The following CCDC85C variants were observed in gnomAD, a reference collection of about 807,000 sequenced individuals.
CCDC85C encodes coiled-coil domain containing 85C.
Under a neutral mutation model 38.3 loss-of-function variants are expected in CCDC85C, and 18 were observed. That is an observed-to-expected ratio of 0.47 (90% confidence interval 0.33 to 0.70). The LOEUF (loss-of-function observed/expected upper bound fraction) is 0.70. Among genes scored for constraint, CCDC85C ranks in the 30% least tolerant of loss-of-function variants. The pLI, the probability that CCDC85C is intolerant of heterozygous loss-of-function variation, is 0.03. For missense variants in CCDC85C, 566 were observed against 621.2 expected (o/e 0.91, Z 0.94); for synonymous variants, 264 against 293.8 (o/e 0.90, Z 1.04).
At chr14:99,580,617 C>A (rs577993315) in intron 1 of CCDC85C, among the ~76,000 whole-genome samples, 1 of 152,202 alleles carries the variant, frequency 6.6e-6, no homozygotes, top group South Asian at 2.1e-4. Context: ...GTAATCCCAG[C>A]ACTTTGGGAG....
At chr14:99,551,209 G>C (rs913714780) in intron 1 of CCDC85C, among the ~76,000 whole-genome samples, 4 of 152,210 alleles carry the variant, frequency 2.6e-5, no homozygotes, top group African/African-American at 9.7e-5. Context: ...GGGTCACAGC[G>C]TACACGGAGC....
At chr14:99,597,610 G>T (rs73346463) in intron 1 of CCDC85C, among the ~76,000 whole-genome samples, 17,073 of 152,170 alleles carry the variant, frequency 0.11, 1,887 homozygotes, top group East Asian at 0.36. Context: ...GGGACTTTGG[G>T]GTCTGCCCTG....
intron 1 of CCDC85C, among the ~76,000 whole-genome samples, chr14:99,542,105 G>A (rs544254219): frequency 6.6e-6 from 1 of 152,360 alleles, no homozygotes; most frequent in African/African-American, 2.4e-5. Flanking sequence ...CATGGGCCCT[G>A]TGCAAGACAG....
intron 2 of CCDC85C, among the ~76,000 whole-genome samples, chr14:99,531,604 G>A (rs947330329): frequency 8.7e-5 from 13 of 150,188 alleles, no homozygotes; most frequent in South Asian, 2.1e-4. Flanking sequence ...GTGGGACCGC[G>A]GGGAGTAGGA....
At chr14:99,577,820 T>TCTC (rs1219233058) in intron 1 of CCDC85C, among the ~76,000 whole-genome samples, 1 of 126,996 alleles carries the variant, frequency 7.9e-6, no homozygotes, top group African/African-American at 3.2e-5. Flanking sequence ...TGTGTACACA[T>TCTC]CACACCCATA....
chr14:99,522,292 C>A, intron 2 of CCDC85C, 52 bp from the exon 3 acceptor site: 3 of 1,383,074 alleles, frequency 2.2e-6, no homozygotes, highest in Non-Finnish European at 3.0e-6. Flanking sequence ...CTGAGGAGGA[C>A]AAGGGCCCTG....
chr14:99,600,399 CG>C (rs1386682571), intron 1 of CCDC85C, among the ~76,000 whole-genome samples: 1 of 152,148 alleles, frequency 6.6e-6, no homozygotes, highest in African/African-American at 2.4e-5. Context: ...CTCTGGGTAA[CG>C]GGGTTATCAG....
In CCDC85C at chr14:99,555,430, G is replaced by A. The variant is rs141861729; in HGVS notation, c.794-19342C>T. On this transcript the variant is annotated intron_variant, in intron 1 of 5. Coordinates refer to ENST00000380243, the MANE Select transcript of CCDC85C (RefSeq NM_001144995.2). ...ACACGTGCCCTGGCCCTGCCCCACA[G>A]CTGTCCTATGAGCACACACACCTGG... Among the ~76,000 whole-genome samples, 14 of 152,354 alleles carry A rather than the reference G, an allele frequency of 9.2e-5. No homozygotes were observed. In the East Asian group the frequency reaches 2.7e-3, roughly 29 times the overall value.
rs534987008 is a variant in CCDC85C at position 99,548,448 on chromosome 14, C to A, written c.794-12360G>T. On this transcript the variant is annotated intron_variant, in intron 1 of 5. Transcript: ENST00000380243. This position sits in a 1 kb window ranked among gnomAD's most constrained non-coding sequence, Gnocchi z 4.9. Reference sequence around the variant, plus strand: ...CAGGGGATGCTGATGATCGGCGCAGCGGATCAGAGAGCAGCCTGGCGCGGT... The same window carrying A: ...CAGGGGATGCTGATGATCGGCGCAGAGGATCAGAGAGCAGCCTGGCGCGGT... Among the ~76,000 whole-genome samples, 468 of 152,152 alleles carry A rather than the reference C, an allele frequency of 3.1e-3. 9 individuals are homozygous for A. In the South Asian group the frequency reaches 0.044, roughly 14 times the overall value.
At position 99,571,177 on chromosome 14, in the gene CCDC85C, G is replaced by A. The variant is rs1246021733; in HGVS notation, c.793+31990C>T. 2.6e-5 allele frequency among the ~76,000 whole-genome samples: 4 copies of A among 152,180 alleles called. No homozygotes were observed. The East Asian group carries it at 5.8e-4, about 22-fold the overall frequency. ...AAGGCAGTGCAGTGAGGGGCCAGCC[G>A]GAGACAGGGATCATGGGGGAGGGGC... On this transcript the variant is annotated intron_variant, in intron 1 of 5. Coordinates refer to ENST00000380243, the MANE Select transcript of CCDC85C (RefSeq NM_001144995.2).
intron 1 of CCDC85C, chr14:99,582,951 G>C (rs1273993813): frequency 6.6e-6 from 1 of 152,174 alleles, no homozygotes; most frequent in Non-Finnish European, 1.5e-5. Flanking sequence ...GGGACACTGG[G>C]CGCAGAGTTT....
chr14:99,599,711 G>C (rs1595111693), intron 1 of CCDC85C, among the ~76,000 whole-genome samples: 1 of 152,194 alleles, frequency 6.6e-6, no homozygotes, highest in East Asian at 1.9e-4. Flanking sequence ...GCAACATAGT[G>C]AGATCCAGTC....
In CCDC85C at chr14:99,536,571, A is replaced by G. The variant is rs554978664; in HGVS notation, c.794-483T>C. 2.0e-5 allele frequency among the ~76,000 whole-genome samples: 3 copies of G among 152,320 alleles called. No homozygotes were observed. In the South Asian group the frequency reaches 6.2e-4, roughly 32 times the overall value. Reference sequence around the variant, plus strand: ...ACACAGTGGGGAAACAGACTCCTGAACTTGCCAAGTCAGCATCTGGGATCC... The same window carrying G: ...ACACAGTGGGGAAACAGACTCCTGAGCTTGCCAAGTCAGCATCTGGGATCC... On this transcript the variant is annotated intron_variant, in intron 1 of 5. Transcript: ENST00000380243.
chr14:99,555,792 C>G (rs957164016), intron 1 of CCDC85C, among the ~76,000 whole-genome samples: 2 of 152,306 alleles, frequency 1.3e-5, no homozygotes, highest in East Asian at 3.9e-4. Context: ...AAGAGCCTCC[C>G]GCAAACCAGT....
At chr14:99,589,178 G>A (rs904265347) in intron 1 of CCDC85C, among the ~76,000 whole-genome samples, 1 of 151,866 alleles carries the variant, frequency 6.6e-6, no homozygotes, top group Non-Finnish European at 1.5e-5. Context: ...CCTGAGGACA[G>A]CAGGCAGCGG....
chr14:99,580,006 A>C (rs1427771626), intron 1 of CCDC85C: 1 of 455,254 alleles, frequency 2.2e-6, no homozygotes, highest in Non-Finnish European at 4.4e-6. Context: ...GACAAACCCC[A>C]CATACCCCAC....
chr14:99,547,232 GCTTTT>G (rs1410400108), intron 1 of CCDC85C, among the ~76,000 whole-genome samples: 1 of 151,996 alleles, frequency 6.6e-6, no homozygotes, highest in East Asian at 1.9e-4. Context: ...AAAAACTTCG[GCTTTT>G]CTTATATTAC....
chr14:99,586,328 C>G (rs1212358433), intron 1 of CCDC85C, among the ~76,000 whole-genome samples: 2 of 152,228 alleles, frequency 1.3e-5, no homozygotes, highest in Non-Finnish European at 2.9e-5. Flanking sequence ...GGCACAATCC[C>G]CTTTGCCACA....
rs923193595 is a variant in CCDC85C, at chr14:99,603,296, G to C, written c.664C>G (p.His222Asp). 7.3e-7 allele frequency: 1 copy of C among 1,361,990 alleles called. No homozygotes were observed. Among genetic ancestry groups the C allele is most frequent in the African/African-American group, 1.5e-5 (1 of 65,684 alleles). 84.4% of individuals were successfully genotyped at this position (1,361,990 alleles called of 1,614,324 possible). A position where few individuals can be genotyped will look rare whatever the true frequency, so the allele number is the denominator to read the frequency against. ...GGGGGCAGCAGCGGGGGTGGGACGT[G>C]GTGGTGGTGGTCGGGGCTGCCGCCG... The part of the protein sequence containing the change: ...GSGGSPDHHH[H>D]VPPPLLPPGP... The change falls in exon 1 of 6, where the codon CAC (histidine) becomes GAC (aspartate). Residue 222 changes from histidine (H) to aspartate (D), a missense_variant. Physicochemically the swap from His to Asp is moderately conservative, Grantham distance 81 (BLOSUM62 -1). Coordinates refer to ENST00000380243, the MANE Select transcript of CCDC85C (RefSeq NM_001144995.2). This position sits in a 1 kb window ranked among gnomAD's most constrained non-coding sequence, Gnocchi z 7.5.
Sources: gnomAD v4.1 joint callset for allele counts (sites outside exome capture counted in the v4.1 genomes callset) on GRCh38, gnomAD v4.1.1 for gene constraint, Gnocchi (gnomAD v3.1) non-coding constraint, MANE v1.5 for transcripts, NCBI Gene and HGNC (gene_info 2026-07-23, HGNC 2026-07-21) for gene names.